The following MMD2 variants were observed in gnomAD, a reference collection of about 807,000 sequenced individuals.
The protein encoded by MMD2 is monocyte to macrophage differentiation factor 2.
A neutral mutation model predicts 33.5 loss-of-function variants in MMD2; 30 were observed. The ratio of observed to expected loss-of-function variants is 0.90; its 90% CI spans 0.67 to 1.22. MMD2 has a LOEUF of 1.22. MMD2 is among the 50% of genes most tolerant of loss of function. MMD2 has a pLI of 0.00. For missense variants in MMD2, 364 were observed against 325.4 expected (o/e 1.12, Z -0.91); for synonymous variants, 129 against 123.0 (o/e 1.05, Z -0.32).
intron 1 of MMD2, among the ~76,000 whole-genome samples, chr7:4,942,852 A>T (rs985704561): frequency 1.3e-5 from 2 of 151,106 alleles, no homozygotes; most frequent in African/African-American, 4.9e-5. Context: ...TCTGACCTCA[A>T]GTGATCCACC....
At chr7:4,895,330 C>T in the MMD2 span, among the ~76,000 whole-genome samples, 1 of 152,176 alleles carries the variant, frequency 6.6e-6, no homozygotes, top group Admixed American at 6.5e-5. Context: ...CCCTCCTCGG[C>T]CTCCCAAAGT....
rs1203376876 is a variant in MMD2, at chr7:4,916,012, C to T, written c.358G>A (p.Ala120Thr). 3.1e-6 allele frequency: 5 copies of T among 1,613,454 alleles called. No individual in the cohort carries two copies. Among genetic ancestry groups the T allele is most frequent in the Admixed American group, 1.7e-5 (1 of 60,004 alleles). The change falls in exon 4 of 7, where the codon GCA becomes ACA. Residue 120 changes from alanine (A) to threonine (T), a missense_variant. By Grantham distance (58) the Ala-to-Thr change is moderately conservative (BLOSUM62 0). Transcript: ENST00000401401. ...CGGCGGGACGGTACTCACCAGGGTG[C>T]GTAGGAAGCCGCTATGAAGAAATAG... ...VIYFFIAASYAPWLNLRELGP... is the reference protein window; with the variant it reads ...VIYFFIAASYTPWLNLRELGP...
chr7:4,933,535 C>A (rs1221875552), intron 1 of MMD2, among the ~76,000 whole-genome samples: 2 of 151,790 alleles, frequency 1.3e-5, no homozygotes, highest in East Asian at 1.9e-4. Context: ...TCTGAGATTC[C>A]TCCTCCCTGG....
At chr7:4,941,491 G>T (rs1209820497) in intron 1 of MMD2, among the ~76,000 whole-genome samples, 2 of 152,130 alleles carry the variant, frequency 1.3e-5, no homozygotes, top group East Asian at 3.9e-4. Flanking sequence ...TAAGCCGGGC[G>T]TGGTGGCGGG....
intron 5 of MMD2, 126 bp downstream of exon 5, chr7:4,911,019 G>C (rs888562714): frequency 1.3e-6 from 1 of 784,082 alleles, no homozygotes; most frequent in Non-Finnish European, 2.0e-6. Flanking sequence ...CCTGAATGAC[G>C]TGACAGCCAG....
chr7:4,937,969 CTTTTTCTTTTT>C (rs142455867), intron 1 of MMD2, among the ~76,000 whole-genome samples: 5 of 97,164 alleles, frequency 5.1e-5, no homozygotes, highest in African/African-American at 7.9e-5. Context: ...AATTTAATTT[CTTTTTCTTTTT>C]TTTTTCTTTT....
chr7:4,949,668 C>G (rs1208408416), intron 1 of MMD2, among the ~76,000 whole-genome samples: 1 of 151,898 alleles, frequency 6.6e-6, no homozygotes, highest in Non-Finnish European at 1.5e-5. Flanking sequence ...CCCGCCACCA[C>G]ACCTGGCTAA....
chr7:4,915,419 CAT>C (rs1292088698), intron 4 of MMD2, among the ~76,000 whole-genome samples: 1 of 151,746 alleles, frequency 6.6e-6, no homozygotes, highest in Non-Finnish European at 1.5e-5. Context: ...TATGTAGACA[CAT>C]ATGCATACAT....
intron 4 of MMD2, 42 bp from the exon 5 acceptor site, chr7:4,911,288 C>A: frequency 6.7e-7 from 1 of 1,490,200 alleles, no homozygotes; most frequent in Non-Finnish European, 9.1e-7. Context: ...GAGGGGGGCC[C>A]ACCAGGACCC....
Position 4,946,085 on chromosome 7 carries a change from G to C in MMD2, c.47+12886C>G, listed in dbSNP as rs886835333. Among the ~76,000 whole-genome samples the C allele has an allele frequency of 6.7e-6, 1 of 150,208 alleles. No individual in the cohort carries two copies. The highest frequency in any genetic ancestry group is 1.5e-5 in the Non-Finnish European group (1 of 67,562). Reference sequence around the variant, plus strand: ...TGCACACACTCACACGCACGCACACGCACGCACACACACGCATGCACACGC... The same window carrying C: ...TGCACACACTCACACGCACGCACACCCACGCACACACACGCATGCACACGC... On this transcript the variant is annotated intron_variant, in intron 1 of 6. Coordinates refer to ENST00000401401, the MANE Select transcript of MMD2 (RefSeq NM_198403.4). The surrounding 1 kb of genome is among the most constrained non-coding windows in gnomAD (Gnocchi z 5.0).
At chr7:4,936,121 G>T (rs973243959) in intron 1 of MMD2, among the ~76,000 whole-genome samples, 7 of 150,368 alleles carry the variant, frequency 4.7e-5, no homozygotes, top group African/African-American at 1.7e-4. Context: ...GGAGGCAGAG[G>T]TTCCTATGAG....
At chr7:4,910,051 A>G (rs777851350) in intron 5 of MMD2, 101 bp from the exon 6 acceptor site, 1 of 1,611,622 alleles carries the variant, frequency 6.2e-7, no homozygotes, top group East Asian at 2.2e-5. Flanking sequence ...CTCTGGCCAG[A>G]ACAGTGAGAA....
rs951290112 is a variant in MMD2 at position 4,946,011 on chromosome 7, C to G, written c.47+12960G>C. 3.3e-5 allele frequency among the ~76,000 whole-genome samples: 5 copies of G among 152,242 alleles called. No individual in the cohort carries two copies. Among genetic ancestry groups the G allele is most frequent in the Non-Finnish European group, 5.9e-5 (4 of 68,044 alleles). Reference sequence around the variant, plus strand: ...CATTCATTCCTATGTAACGCAGCTGCCTGCTCAGAGAAGATTCCTCTGGAG... The same window carrying G: ...CATTCATTCCTATGTAACGCAGCTGGCTGCTCAGAGAAGATTCCTCTGGAG... On this transcript the variant is annotated intron_variant, in intron 1 of 6. Transcript: ENST00000401401. The surrounding 1 kb of genome is among the most constrained non-coding windows in gnomAD (Gnocchi z 5.0).
chr7:4,937,793 C>T (rs370693840), intron 1 of MMD2, among the ~76,000 whole-genome samples: 12 of 151,744 alleles, frequency 7.9e-5, no homozygotes, highest in Non-Finnish European at 1.3e-4. Flanking sequence ...TACAGGTGTG[C>T]GTCACTACAT....
chr7:4,905,568 G>A (rs530175801), downstream of MMD2, among the ~76,000 whole-genome samples: 106 of 152,224 alleles, frequency 7.0e-4, 1 homozygote, highest in African/African-American at 2.4e-3. This position sits in a 1 kb window ranked among gnomAD's most constrained non-coding sequence, Gnocchi z 5.0. Context: ...TTTGGTGTCC[G>A]TCAGCATCGT....
chr7:4,959,092 G>A lies in MMD2; in HGVS notation c.-75C>T. ...GGCAGAGCCTGGGGGGCGCGGCGGC[G>A]GCAGCAGCAGGTTGGAGGGCGCGCG... On this transcript the variant is annotated 5_prime_UTR_variant, in exon 1 of 7. Transcript: ENST00000401401. The A allele has an allele frequency of 4.2e-6, 5 of 1,188,932 alleles. No homozygotes were observed. The highest frequency in any genetic ancestry group is 8.4e-5 in the South Asian group (2 of 23,676). The allele number at this position is 1,188,932 out of a possible 1,614,324, so 73.6% of individuals were successfully genotyped here.
At chr7:4,949,713 T>C (rs1177908041) in intron 1 of MMD2, among the ~76,000 whole-genome samples, 1 of 152,048 alleles carries the variant, frequency 6.6e-6, no homozygotes. Flanking sequence ...GGTTTCACCA[T>C]ATTGGCCAGG....
At chr7:4,903,948 T>C (rs1413712054), downstream of MMD2, among the ~76,000 whole-genome samples, 1 of 152,200 alleles carries the variant, frequency 6.6e-6, no homozygotes, top group Non-Finnish European at 1.5e-5. Flanking sequence ...CCCTTTTTTT[T>C]TGAGACGGAG....
chr7:4,895,532 C>CT, the MMD2 span, among the ~76,000 whole-genome samples: 3 of 151,248 alleles, frequency 2.0e-5, no homozygotes, highest in African/African-American at 4.9e-5. Flanking sequence ...CCCAGGCATT[C>CT]TTTTTTTTTC....
Sources: allele counts gnomAD v4.1 joint callset (sites outside exome capture counted in the v4.1 genomes callset), GRCh38; gene constraint gnomAD v4.1.1; non-coding constraint Gnocchi (gnomAD v3.1); transcripts MANE v1.5; gene names NCBI Gene and HGNC (gene_info 2026-07-23, HGNC 2026-07-21).